The following MECOM variants were observed in gnomAD, a reference collection of about 807,000 sequenced individuals.
MECOM encodes MDS1 and EVI1 complex locus.
In MECOM, 13 loss-of-function variants were observed where a neutral mutation model predicts 116.3. The observed-to-expected ratio is 0.11, with a 90% CI of 0.07 to 0.18. MECOM has a LOEUF of 0.18. MECOM is among the 10% of genes least tolerant of loss of function. MECOM has a pLI of 1.00. For missense variants in MECOM, 1,299 were observed against 1,509.0 expected (o/e 0.86, Z 2.31); for synonymous variants, 528 against 535.2 (o/e 0.99, Z 0.19).
At chr3:169,401,834 G>C (rs1401163083) in intron 1 of MECOM, among the ~76,000 whole-genome samples, 1 of 152,214 alleles carries the variant, frequency 6.6e-6, no homozygotes, top group Non-Finnish European at 1.5e-5. Flanking sequence ...GTGAGAAATA[G>C]AGTAGGTGCA....
At chr3:169,475,753 GGGA>G (rs1177569790) in intron 1 of MECOM, among the ~76,000 whole-genome samples, 2 of 152,022 alleles carry the variant, frequency 1.3e-5, no homozygotes, top group Non-Finnish European at 1.5e-5. Context: ...AAAAAAAAGG[GGGA>G]GGAGGAGGGA....
chr3:169,110,533 A>G (rs972474307), intron 9 of MECOM, among the ~76,000 whole-genome samples: 12 of 152,126 alleles, frequency 7.9e-5, no homozygotes, highest in African/African-American at 2.9e-4. Context: ...TTATAAAAAC[A>G]ATGAAATATT....
chr3:169,609,676 C>T (rs956954240), intron 1 of MECOM, among the ~76,000 whole-genome samples: 8 of 152,098 alleles, frequency 5.3e-5, no homozygotes, highest in Non-Finnish European at 1.0e-4. Context: ...AAACACTATT[C>T]GTTTTCTTTT....
chr3:169,637,752 T>C (rs1388863254), intron 1 of MECOM, among the ~76,000 whole-genome samples: 1 of 152,236 alleles, frequency 6.6e-6, no homozygotes, highest in Admixed American at 6.5e-5. Context: ...AGCATCAAAA[T>C]TGGATTGAAA....
chr3:169,516,801 G>C (rs1358036068), intron 1 of MECOM, among the ~76,000 whole-genome samples: 2 of 152,100 alleles, frequency 1.3e-5, no homozygotes, highest in African/African-American at 4.8e-5. Context: ...ATTTTCCTTA[G>C]GTCCATTTTT....
intron 2 of MECOM, among the ~76,000 whole-genome samples, chr3:169,229,309 A>T (rs1426485725): frequency 6.6e-6 from 1 of 152,204 alleles, no homozygotes; most frequent in Non-Finnish European, 1.5e-5. Context: ...GCAAGTGGAG[A>T]GGCAGCCAGC....
chr3:169,115,124 G>T (rs1439360446), intron 8 of MECOM, among the ~76,000 whole-genome samples: 1 of 151,938 alleles, frequency 6.6e-6, no homozygotes, highest in Non-Finnish European at 1.5e-5. Context: ...TCCAAAAAAA[G>T]TGTTTAAAAA....
chr3:169,297,553 A>C (rs1250142702), intron 2 of MECOM, among the ~76,000 whole-genome samples: 1 of 152,072 alleles, frequency 6.6e-6, no homozygotes, highest in Non-Finnish European at 1.5e-5. Flanking sequence ...CAGAAGCAAC[A>C]GCACTGAGGC....
At chr3:169,475,718 T>C (rs1750256933) in intron 1 of MECOM, among the ~76,000 whole-genome samples, 2 of 152,120 alleles carry the variant, frequency 1.3e-5, no homozygotes, top group African/African-American at 4.8e-5. Flanking sequence ...CCATAGTCTT[T>C]GTAAAGTACC....
chr3:169,444,685 T>C (rs1744309176), intron 1 of MECOM, among the ~76,000 whole-genome samples: 1 of 152,154 alleles, frequency 6.6e-6, no homozygotes, highest in South Asian at 2.1e-4. Flanking sequence ...GCTGAAAAGA[T>C]ACCCGATGAC....
At chr3:169,401,308 A>C (rs557570427) in intron 1 of MECOM, among the ~76,000 whole-genome samples, 3 of 152,086 alleles carry the variant, frequency 2.0e-5, no homozygotes, top group Non-Finnish European at 4.4e-5. Flanking sequence ...CATACCTGAA[A>C]TTCTCCCACC....
intron 2 of MECOM, among the ~76,000 whole-genome samples, chr3:169,172,407 A>ATGTGTGTGTGTGTG (rs5854312): frequency 3.4e-3 from 484 of 144,450 alleles, no homozygotes; most frequent in East Asian, 0.01. Flanking sequence ...GTACCCTTGT[A>ATGTGTGTGTGTGTG]TGTGTGTGTG....
At chr3:169,301,628 A>T (rs950179211) in intron 2 of MECOM, among the ~76,000 whole-genome samples, 6 of 152,172 alleles carry the variant, frequency 3.9e-5, no homozygotes, top group Non-Finnish European at 8.8e-5. Context: ...CTAAATTAAA[A>T]TTTTCCCCAT....
At chr3:169,354,605 G>T (rs1726928661) in intron 2 of MECOM, among the ~76,000 whole-genome samples, 1 of 151,882 alleles carries the variant, frequency 6.6e-6, no homozygotes, top group Non-Finnish European at 1.5e-5. Flanking sequence ...CAAAAAGCTT[G>T]TACCTTTAGA....
chr3:169,508,718 G>C (rs1308777809), intron 1 of MECOM, among the ~76,000 whole-genome samples: 1 of 152,094 alleles, frequency 6.6e-6, no homozygotes, highest in African/African-American at 2.4e-5. Context: ...TCCTAAAATA[G>C]ATACTTTCCT....
chr3:169,229,773 T>C (rs1224384157), intron 2 of MECOM, among the ~76,000 whole-genome samples: 2 of 152,198 alleles, frequency 1.3e-5, no homozygotes, highest in Non-Finnish European at 2.9e-5. Flanking sequence ...GGTGCTATTA[T>C]GCTTTAAAAC....
chr3:169,584,543 C>T lies in MECOM; in HGVS notation c.37+78793G>A, dbSNP rs1177633758. Among the ~76,000 whole-genome samples the T allele has an allele frequency of 3.8e-5, 5 of 131,584 alleles. No homozygotes were observed. The East Asian group carries it at 8.8e-4, about 23-fold the overall frequency. The allele number at this position is 131,584 out of a possible 152,430, so 86.3% of individuals were successfully genotyped here. A position where few individuals can be genotyped will look rare whatever the true frequency, so the allele number is the denominator to read the frequency against. On this transcript the variant is annotated intron_variant, in intron 1 of 16. Transcript: ENST00000651503. ...TGGCGCCGCTGCACTCCAGCCTGGG[C>T]GAAAGAGCGAAACTCCACCTCAAAA...
At position 169,382,879 on chromosome 3, in the gene MECOM, A is replaced by AAAAAAAAAAAAAAAAAAAAAGAAG. The variant is rs1358767356; in HGVS notation, c.38-1356_38-1355insCTTCTTTTTTTTTTTTTTTTTTTT. 1.2e-3 allele frequency among the ~76,000 whole-genome samples: 163 copies of AAAAAAAAAAAAAAAAAAAAAGAAG among 138,368 alleles called. 6 individuals carry two copies. Among genetic ancestry groups the AAAAAAAAAAAAAAAAAAAAAGAAG allele is most frequent in the Non-Finnish European group, 1.6e-3 (101 of 63,636 alleles). 90.8% of individuals were successfully genotyped at this position (138,368 alleles called of 152,430 possible). ...AAAAAAAAAAATAAAAAAAATAAAA[A>AAAAAAAAAAAAAAAAAAAAAGAAG]AAGAAGGTAAAATGGGTTGCCTCCA... On this transcript the variant is annotated intron_variant, in intron 1 of 16. Transcript: ENST00000651503.
chr3:169,509,088 T>C (rs1755641604), intron 1 of MECOM, among the ~76,000 whole-genome samples: 1 of 152,214 alleles, frequency 6.6e-6, no homozygotes, highest in Admixed American at 6.5e-5. Flanking sequence ...AGACCTGCTA[T>C]TAATGTGCCT....
Sources: allele counts gnomAD v4.1 joint callset (sites outside exome capture counted in the v4.1 genomes callset), GRCh38; gene constraint gnomAD v4.1.1; transcripts MANE v1.5; gene names NCBI Gene and HGNC (gene_info 2026-07-23, HGNC 2026-07-21).